The following ADAM9 variants were observed in gnomAD, a reference collection of about 807,000 sequenced individuals.
The protein encoded by ADAM9 is ADAM metallopeptidase domain 9.
Under a neutral mutation model 108.1 loss-of-function variants are expected in ADAM9, and 54 were observed. The ratio of observed to expected loss-of-function variants is 0.50; its 90% CI spans 0.40 to 0.63. The LOEUF is 0.63. ADAM9 is among the 20% of genes least tolerant of loss of function. The pLI is 0.00. For synonymous variants in ADAM9, 316 were observed against 336.0 expected, an observed-to-expected ratio of 0.94 and a Z score of 0.65; for missense variants, 830 against 997.7, an observed-to-expected ratio of 0.83 and a Z score of 2.26.
chr8:39,008,064 T>C, intron 2 of ADAM9, 81 bp downstream of exon 2: 1 of 1,048,158 alleles, frequency 9.5e-7, no homozygotes, highest in East Asian at 2.5e-5. Context: ...TTTGTAGCAG[T>C]GATCAGTTCA....
chr8:39,069,656 C>T lies in ADAM9; in HGVS notation c.1592-1642C>T, dbSNP rs547808169. On this transcript the variant is annotated intron_variant, in intron 14 of 21. Transcript: ENST00000487273. Reference sequence around the variant, plus strand: ...GCAGCAAAACCATGATCTCATCCACCGTGAGCATGGTGAGCTGATGAAGAC... The same window carrying T: ...GCAGCAAAACCATGATCTCATCCACTGTGAGCATGGTGAGCTGATGAAGAC... Among the ~76,000 whole-genome samples the T allele has an allele frequency of 2.0e-5, 3 of 152,126 alleles. 1 individual carries two copies. In the South Asian group the frequency reaches 6.2e-4, roughly 32 times the overall value.
chr8:39,072,269 G>C (rs1838718227), intron 15 of ADAM9, among the ~76,000 whole-genome samples: 1 of 152,052 alleles, frequency 6.6e-6, no homozygotes, highest in Admixed American at 6.5e-5. Context: ...TTACATAGTT[G>C]GAATTATTCT....
chr8:39,083,075 C>T lies in ADAM9; in HGVS notation c.2068+2C>T, dbSNP rs897929388. The T allele has an allele frequency of 5.6e-6, 9 of 1,612,000 alleles. No homozygotes were observed. The Admixed American group carries it at 6.7e-5, about 12-fold the overall frequency. On this transcript the variant is annotated splice_donor_variant, in intron 18 of 21. Transcript: ENST00000487273. LOFTEE classifies it low-confidence loss of function (GC_TO_GT_DONOR). The stretch of plus-strand genomic sequence containing the variant: ...TGGACAGTGGACCTACATACAATGG[C>T]AAGTAATATAGAAGAAAATTAGTGT...
At chr8:39,073,285 G>A (rs1047424991) in intron 15 of ADAM9, among the ~76,000 whole-genome samples, 1 of 152,076 alleles carries the variant, frequency 6.6e-6, no homozygotes, top group Non-Finnish European at 1.5e-5. Flanking sequence ...TATGATTGTG[G>A]ATTTGTCTAT....
At chr8:39,035,978 C>G (rs981710016) in intron 11 of ADAM9, among the ~76,000 whole-genome samples, 1 of 151,866 alleles carries the variant, frequency 6.6e-6, no homozygotes, top group East Asian at 1.9e-4. Context: ...ATTTCCTACC[C>G]TCTACTTCAT....
chr8:39,069,557 G>A (rs1001174894), intron 14 of ADAM9, among the ~76,000 whole-genome samples: 1 of 152,042 alleles, frequency 6.6e-6, no homozygotes, highest in African/African-American at 2.4e-5. Context: ...TATCAAATTT[G>A]GCCCTTAAAA....
chr8:39,066,369 CA>C (rs1476988760), intron 14 of ADAM9, among the ~76,000 whole-genome samples: 1 of 152,232 alleles, frequency 6.6e-6, no homozygotes, highest in African/African-American at 2.4e-5. Flanking sequence ...GTCCAACCAA[CA>C]GTGTAAAAGT....
Position 39,070,812 on chromosome 8 carries a change from C to T in ADAM9, c.1592-486C>T, listed in dbSNP as rs901294371. On this transcript the variant is annotated intron_variant, in intron 14 of 21. Transcript: ENST00000487273. ...AATAGATTGTTACTTTGTCATCTGT[C>T]GTCAGTGTTTGTCAATGTATTTAAT... is the stretch of plus-strand genomic sequence containing the variant. Among the ~76,000 whole-genome samples, 14 of 150,758 alleles carry T rather than the reference C, an allele frequency of 9.3e-5. No individual in the cohort carries two copies. The East Asian group carries it at 1.6e-3, about 17-fold the overall frequency.
chr8:39,044,326 G>T (rs569920014), intron 12 of ADAM9, among the ~76,000 whole-genome samples: 1 of 152,086 alleles, frequency 6.6e-6, no homozygotes, highest in Admixed American at 6.6e-5. Context: ...AGTTTTCCAC[G>T]GGGGAAGGGA....
chr8:39,020,767 C>T (rs1232240977), intron 7 of ADAM9, among the ~76,000 whole-genome samples: 4 of 152,050 alleles, frequency 2.6e-5, no homozygotes, highest in South Asian at 2.1e-4. Flanking sequence ...TATGTCACTT[C>T]GTTTTTCTGT....
chr8:39,075,853 T>C (rs966537461), intron 15 of ADAM9: 1 of 152,208 alleles, frequency 6.6e-6, no homozygotes, highest in Non-Finnish European at 1.5e-5. Flanking sequence ...ATCTCATTTT[T>C]TTCAGCTGAA....
intron 11 of ADAM9, among the ~76,000 whole-genome samples, chr8:39,038,147 A>G (rs960963704): frequency 6.6e-6 from 1 of 152,156 alleles, no homozygotes; most frequent in African/African-American, 2.4e-5. Context: ...CCTTCTTTGT[A>G]GTCTTCCTCT....
At chr8:39,073,413 A>G (rs1284216624) in intron 15 of ADAM9, among the ~76,000 whole-genome samples, 1 of 152,198 alleles carries the variant, frequency 6.6e-6, no homozygotes, top group Non-Finnish European at 1.5e-5. Flanking sequence ...CAAATTTATC[A>G]TTAGCAAATT....
chr8:39,045,421 C>CACACCTATATGTGCGTGTGT (rs1837709400), intron 12 of ADAM9, among the ~76,000 whole-genome samples: 2 of 62,806 alleles, frequency 3.2e-5, no homozygotes, highest in African/African-American at 1.0e-4. Flanking sequence ...CGCGTGTGTA[C>CACACCTATATGTGCGTGTGT]ACACACCTAT....
In ADAM9 at chr8:39,060,395, C is replaced by G. The variant is rs902278236; in HGVS notation, c.1591+4623C>G. Among the ~76,000 whole-genome samples, 12 of 152,264 alleles carry G rather than the reference C, an allele frequency of 7.9e-5. No individual in the cohort carries two copies. The East Asian group carries it at 2.3e-3, about 29-fold the overall frequency. ...TGCAGAGTTTCTCTTTGTTCTGGGCCCAGCTCAAAACTAGCAGCTCTTTGG... is the reference window on the plus strand; with the variant it reads ...TGCAGAGTTTCTCTTTGTTCTGGGCGCAGCTCAAAACTAGCAGCTCTTTGG... On this transcript the variant is annotated intron_variant, in intron 14 of 21. Transcript: ENST00000487273.
chr8:39,025,731 T>C (rs1161094296), intron 9 of ADAM9, 72 bp from the exon 10 acceptor site: 2 of 1,415,484 alleles, frequency 1.4e-6, no homozygotes, highest in Non-Finnish European at 2.0e-6. Context: ...CAGTTGAGAT[T>C]ATTCATAAAA....
chr8:39,103,692 C>T lies in ADAM9; in HGVS notation c.2452C>T (p.Leu818Phe). 6.2e-7 allele frequency: 1 copy of T among 1,613,738 alleles called. No individual in the cohort carries two copies. Among genetic ancestry groups the T allele is most frequent in the South Asian group, 1.1e-5 (1 of 91,066 alleles). ...PAPAPPLYSS[L>F]T ...TCCTGCACCTCCTTTATATAGTTCCCTCACTTGATTTTTTTAACCTTCTTT... is the reference window on the plus strand; with the variant it reads ...TCCTGCACCTCCTTTATATAGTTCCTTCACTTGATTTTTTTAACCTTCTTT... Residue 818 changes from leucine (L) to phenylalanine (F), a missense_variant, in exon 22 of 22, where the codon CTC becomes TTC. Coordinates refer to ENST00000487273, the MANE Select transcript of ADAM9 (RefSeq NM_003816.3).
Position 38,997,177 on chromosome 8 carries a change from C to G in ADAM9, c.97+17C>G. 3 of 1,594,254 alleles carry G rather than the reference C, an allele frequency of 1.9e-6. No individual in the cohort carries two copies. Among genetic ancestry groups the G allele is most frequent in the Admixed American group, 1.7e-5 (1 of 59,256 alleles). ...CGCGGCCAGGTGGGTGTCCGCGCCCCGGGTCGGTTGGGACGGCTGCTTCCT... is the reference window on the plus strand; with the variant it reads ...CGCGGCCAGGTGGGTGTCCGCGCCCGGGGTCGGTTGGGACGGCTGCTTCCT... On this transcript the variant is annotated intron_variant, in intron 1 of 21. Coordinates refer to ENST00000487273, the MANE Select transcript of ADAM9 (RefSeq NM_003816.3).
intron 20 of ADAM9, among the ~76,000 whole-genome samples, chr8:39,100,075 G>A (rs1839639801): frequency 6.6e-6 from 1 of 151,816 alleles, no homozygotes; most frequent in Non-Finnish European, 1.5e-5. Context: ...GTTTTGCCAT[G>A]TTGGCCAGGC....
Sources: allele counts gnomAD v4.1 joint callset (sites outside exome capture counted in the v4.1 genomes callset), GRCh38; gene constraint gnomAD v4.1.1; transcripts MANE v1.5; gene names NCBI Gene and HGNC (gene_info 2026-07-23, HGNC 2026-07-21).